The following FANCC variants were observed in gnomAD, a reference collection of about 807,000 sequenced individuals.
FANCC encodes the protein Fanconi anemia group C protein.
A neutral mutation model predicts 71.3 loss-of-function variants in FANCC; 55 were observed. The observed-to-expected ratio is 0.77, with a 90% CI of 0.62 to 0.97. The LOEUF is 0.97. Among genes scored for constraint, FANCC ranks in the 50% least tolerant of loss-of-function variants. The probability of loss-of-function intolerance (pLI) is 0.00; values close to 1 mark genes in which losing one functional copy is unlikely to be tolerated. For missense variants in FANCC, 678 were observed against 670.9 expected (o/e 1.01, Z -0.12); for synonymous variants, 275 against 244.9 (o/e 1.12, Z -1.15).
chr9:95,131,661 C>T (rs978228013), intron 8 of FANCC, among the ~76,000 whole-genome samples: 1 of 152,224 alleles, frequency 6.6e-6, no homozygotes, highest in African/African-American at 2.4e-5. Context: ...TGTTCAATTA[C>T]ATGCACCACA....
intron 1 of FANCC, among the ~76,000 whole-genome samples, chr9:95,264,130 T>C (rs941129120): frequency 3.7e-4 from 57 of 152,332 alleles, no homozygotes; most frequent in Admixed American, 7.2e-4. Context: ...AATGTGGAAC[T>C]GCTCTTTTTG....
At chr9:95,211,596 T>A (rs1256067591) in intron 4 of FANCC, among the ~76,000 whole-genome samples, 1 of 152,128 alleles carries the variant, frequency 6.6e-6, no homozygotes, top group Non-Finnish European at 1.5e-5. Context: ...CATAAATGTC[T>A]GCCGGGATAA....
chr9:95,293,705 T>G (rs1834199334), intron 1 of FANCC: 1 of 1,613,770 alleles, frequency 6.2e-7, no homozygotes, highest in Non-Finnish European at 8.5e-7. Flanking sequence ...CTCTTCCCAT[T>G]AGTGTTCACA....
At chr9:95,205,007 G>A (rs1296020056) in intron 4 of FANCC, among the ~76,000 whole-genome samples, 2 of 152,182 alleles carry the variant, frequency 1.3e-5, no homozygotes, top group Non-Finnish European at 2.9e-5. Context: ...TCAGAATAGA[G>A]AATTAGATTA....
intron 4 of FANCC, among the ~76,000 whole-genome samples, chr9:95,222,057 A>G (rs1829307894): frequency 6.6e-6 from 1 of 151,336 alleles, no homozygotes; most frequent in South Asian, 2.1e-4. Flanking sequence ...AACTGGGCCT[A>G]GGAGCACATG....
At chr9:95,141,352 GTC>G (rs1406847570) in intron 7 of FANCC, among the ~76,000 whole-genome samples, 28 of 142,738 alleles carry the variant, frequency 2.0e-4, no homozygotes, top group African/African-American at 5.6e-4. Context: ...ATGTGAGGAA[GTC>G]TCTCAGTTTC....
intron 1 of FANCC, among the ~76,000 whole-genome samples, chr9:95,250,216 G>A (rs1317173396): frequency 6.6e-6 from 1 of 152,166 alleles, no homozygotes; most frequent in Admixed American, 6.5e-5. Context: ...TCGCAGAGGA[G>A]GGAAGGCTGC....
intron 6 of FANCC, among the ~76,000 whole-genome samples, 175 bp from the exon 7 acceptor site, chr9:95,150,262 G>A (rs1465778161): frequency 6.6e-6 from 1 of 152,200 alleles, no homozygotes; most frequent in Non-Finnish European, 1.5e-5. Flanking sequence ...TCTTTAGGAA[G>A]AAATCTTTTA....
chr9:95,197,692 G>A (rs1392703482), intron 4 of FANCC, among the ~76,000 whole-genome samples: 2 of 152,114 alleles, frequency 1.3e-5, no homozygotes, highest in African/African-American at 2.4e-5. Flanking sequence ...TGGCTTGTTA[G>A]TTAAATTGCA....
chr9:95,233,862 G>A (rs985551193), intron 4 of FANCC, among the ~76,000 whole-genome samples: 1 of 152,152 alleles, frequency 6.6e-6, no homozygotes, highest in Non-Finnish European at 1.5e-5. Context: ...ACCTTAGCCA[G>A]TCTAGATGTT....
intron 1 of FANCC, among the ~76,000 whole-genome samples, chr9:95,258,489 T>A (rs912791609): frequency 8.6e-5 from 13 of 152,044 alleles, no homozygotes; most frequent in African/African-American, 2.9e-4. Context: ...AAATGCAACA[T>A]CCCTTCATGC....
intron 6 of FANCC, among the ~76,000 whole-genome samples, chr9:95,156,486 T>TCAAC (rs1406078427): frequency 2.0e-5 from 3 of 152,230 alleles, no homozygotes; most frequent in Non-Finnish European, 4.4e-5. Context: ...TTTCTGAATG[T>TCAAC]GTTGAGCCCT....
At chr9:95,162,534 G>A (rs1564710677) in intron 6 of FANCC, among the ~76,000 whole-genome samples, 1 of 152,176 alleles carries the variant, frequency 6.6e-6, no homozygotes, top group Non-Finnish European at 1.5e-5. Flanking sequence ...ACTCCATACT[G>A]TTTTCCATAG....
chr9:95,123,558 A>G, intron 10 of FANCC: 1 of 548,706 alleles, frequency 1.8e-6, no homozygotes. Flanking sequence ...CGTACCAAAA[A>G]GGGCCGCGGC....
intron 1 of FANCC, among the ~76,000 whole-genome samples, chr9:95,286,559 T>C (rs1377903802): frequency 6.6e-6 from 1 of 152,230 alleles, no homozygotes; most frequent in East Asian, 1.9e-4. Flanking sequence ...TGAAACATTT[T>C]ATAGTAGACT....
chr9:95,313,212 G>A (rs1047869206), intron 1 of FANCC, among the ~76,000 whole-genome samples: 17 of 152,304 alleles, frequency 1.1e-4, no homozygotes, highest in Non-Finnish European at 1.5e-4. Context: ...TGGGGAAGCG[G>A]CACACCCCAG....
intron 6 of FANCC, among the ~76,000 whole-genome samples, chr9:95,167,792 T>C (rs1421214809): frequency 6.6e-6 from 1 of 152,216 alleles, no homozygotes; most frequent in Non-Finnish European, 1.5e-5. Context: ...AAATACTTAG[T>C]CAGGTAATGC....
intron 2 of FANCC, 119 bp downstream of exon 2, chr9:95,249,008 T>A (rs1831164097): frequency 4.0e-6 from 4 of 1,002,580 alleles, no homozygotes; most frequent in Non-Finnish European, 6.2e-6. Context: ...GTCTTCCTAA[T>A]CCATCGGCAC....
At chr9:95,127,378 T>G (rs1318956713) in intron 8 of FANCC, 1 of 152,280 alleles carries the variant, frequency 6.6e-6, no homozygotes, top group Non-Finnish European at 1.5e-5. Context: ...CGGCACCAGG[T>G]ACCGGTTTCT....
Sources: gnomAD v4.1 joint callset for allele counts (sites outside exome capture counted in the v4.1 genomes callset) on GRCh38, gnomAD v4.1.1 for gene constraint, MANE v1.5 for transcripts, NCBI Gene and HGNC (gene_info 2026-07-23, HGNC 2026-07-21) for gene names.